KCNIP4: variants seen among roughly 807,000 people sequenced by gnomAD.
KCNIP4 encodes the protein potassium voltage-gated channel interacting protein 4.
In KCNIP4, 12 loss-of-function variants were observed where a neutral mutation model predicts 34.0. That is an observed-to-expected ratio of 0.35 (90% CI 0.23 to 0.57). KCNIP4 has a LOEUF of 0.57. Ranked by LOEUF, KCNIP4 falls within the 20% of genes least tolerant of loss-of-function variation. KCNIP4 has a pLI of 0.83. For missense variants in KCNIP4, 238 were observed against 311.7 expected (o/e 0.76, Z 1.78); for synonymous variants, 124 against 102.2 (o/e 1.21, Z -1.29).
chr4:21,496,262 G>A (rs1219527936), intron 1 of KCNIP4, among the ~76,000 whole-genome samples: 1 of 152,092 alleles, frequency 6.6e-6, no homozygotes, highest in East Asian at 1.9e-4. Flanking sequence ...GCTAGAGCTA[G>A]GGCTAATGTA....
intron 1 of KCNIP4, among the ~76,000 whole-genome samples, chr4:20,895,819 T>C (rs1038926658): frequency 1.3e-5 from 2 of 152,196 alleles, no homozygotes; most frequent in African/African-American, 4.8e-5. Context: ...TAGCCATGCC[T>C]GATCATTCCA....
At chr4:20,923,173 A>C (rs1729572741) in intron 1 of KCNIP4, among the ~76,000 whole-genome samples, 2 of 152,180 alleles carry the variant, frequency 1.3e-5, no homozygotes, top group Admixed American at 1.3e-4. Flanking sequence ...GTTTGCTAAA[A>C]GTTTGTCTTT....
rs186672626 is a variant in KCNIP4, at chr4:21,664,179, C to A, written c.61+284392G>T. The stretch of plus-strand genomic sequence containing the variant: ...GGCCAGGCTGGTCTTGAACTCCTTG[C>A]CTCAAGTGATCCACCCACCTCAGCC... On this transcript the variant is annotated intron_variant, in intron 1 of 8. Transcript: ENST00000382152. Among the ~76,000 whole-genome samples the A allele has an allele frequency of 1.8e-3, 278 of 152,148 alleles. 3 individuals are homozygous for A. Among genetic ancestry groups the A allele is most frequent in the African/African-American group, 6.4e-3 (265 of 41,532 alleles).
chr4:21,632,549 C>T (rs936141273), intron 1 of KCNIP4, among the ~76,000 whole-genome samples: 5 of 152,180 alleles, frequency 3.3e-5, no homozygotes, highest in African/African-American at 7.2e-5. Flanking sequence ...TAATAACCTC[C>T]TCTTTGCCTT....
At chr4:21,687,338 G>C (rs1750889067) in intron 1 of KCNIP4, among the ~76,000 whole-genome samples, 1 of 150,484 alleles carries the variant, frequency 6.6e-6, no homozygotes, top group Non-Finnish European at 1.5e-5. Flanking sequence ...AAAAAGAAGT[G>C]ATTAGGAAGT....
chr4:20,933,821 G>T (rs139503031), intron 1 of KCNIP4, among the ~76,000 whole-genome samples: 1 of 151,816 alleles, frequency 6.6e-6, no homozygotes, highest in Admixed American at 6.6e-5. Context: ...GTGGCTACCC[G>T]TTCTGGTTTA....
chr4:21,556,930 A>AACAAAAAAAAAAAAAAAAC (rs1553903109), intron 1 of KCNIP4, among the ~76,000 whole-genome samples: 1 of 108,194 alleles, frequency 9.2e-6, no homozygotes, highest in South Asian at 3.2e-4. Flanking sequence ...CAGAAAAAAA[A>AACAAAAAAAAAAAAAAAAC]AAAAAAAAAA....
chr4:21,248,863 AC>A (rs113904704), intron 1 of KCNIP4, among the ~76,000 whole-genome samples: 1,861 of 152,282 alleles, frequency 0.012, 44 homozygotes, highest in African/African-American at 0.042. Flanking sequence ...TCAAAGTCAA[AC>A]ACCTATTAAA....
intron 1 of KCNIP4, among the ~76,000 whole-genome samples, chr4:21,229,403 T>C (rs1484331175): frequency 1.3e-5 from 2 of 152,204 alleles, no homozygotes; most frequent in East Asian, 1.9e-4. Flanking sequence ...TTATCATCCA[T>C]GTAGGCTCTC....
At chr4:21,820,352 T>C (rs1156460971) in intron 1 of KCNIP4, among the ~76,000 whole-genome samples, 1 of 145,198 alleles carries the variant, frequency 6.9e-6, no homozygotes, top group African/African-American at 2.6e-5. Context: ...CACACACACA[T>C]ACAGGCATGA....
At chr4:21,745,314 C>T (rs1406140450) in intron 1 of KCNIP4, among the ~76,000 whole-genome samples, 8 of 152,252 alleles carry the variant, frequency 5.3e-5, no homozygotes, top group South Asian at 2.1e-4. Flanking sequence ...ATTTCAAAGA[C>T]GTTTAGCAGA....
At chr4:21,900,795 G>C (rs1361495489) in intron 1 of KCNIP4, among the ~76,000 whole-genome samples, 1 of 151,988 alleles carries the variant, frequency 6.6e-6, no homozygotes, top group Non-Finnish European at 1.5e-5. Flanking sequence ...GTTCTCCATT[G>C]CAGTAAGTAC....
chr4:20,844,494 G>C (rs1177676744), intron 3 of KCNIP4, among the ~76,000 whole-genome samples: 2 of 152,170 alleles, frequency 1.3e-5, no homozygotes, highest in African/African-American at 4.8e-5. Flanking sequence ...AGAGACAGAA[G>C]CCGGCAGGAA....
At chr4:21,690,133 T>TTA (rs113193178) in intron 1 of KCNIP4, among the ~76,000 whole-genome samples, 8,365 of 145,568 alleles carry the variant, frequency 0.057, 602 homozygotes, top group African/African-American at 0.17. Flanking sequence ...ATATTTTATA[T>TTA]TATATATATA....
intron 1 of KCNIP4, among the ~76,000 whole-genome samples, chr4:21,129,059 A>G (rs1037650178): frequency 3.3e-5 from 5 of 152,200 alleles, no homozygotes; most frequent in African/African-American, 1.2e-4. Flanking sequence ...GGGCAGGGTC[A>G]GGTGGAGATA....
intron 1 of KCNIP4, among the ~76,000 whole-genome samples, chr4:21,799,051 C>T (rs116609789): frequency 0.012 from 1,843 of 151,808 alleles, 36 homozygotes; most frequent in African/African-American, 0.043. Context: ...AAAAAAAAAC[C>T]TCTATAATTT....
At chr4:21,338,196 C>T (rs190601214) in intron 1 of KCNIP4, among the ~76,000 whole-genome samples, 70 of 144,016 alleles carry the variant, frequency 4.9e-4, no homozygotes, top group African/African-American at 1.7e-3. Context: ...ACCCGGGAGG[C>T]GCAGTTTGCA....
At chr4:21,549,499 G>A (rs1738388287) in intron 1 of KCNIP4, among the ~76,000 whole-genome samples, 1 of 151,868 alleles carries the variant, frequency 6.6e-6, no homozygotes, top group Admixed American at 6.6e-5. Flanking sequence ...CATATGACAT[G>A]CCTGCTCCCC....
At chr4:21,054,665 C>T (rs1211943068) in intron 1 of KCNIP4, among the ~76,000 whole-genome samples, 1 of 144,636 alleles carries the variant, frequency 6.9e-6, no homozygotes, top group Non-Finnish European at 1.5e-5. Flanking sequence ...TCAACAACTG[C>T]TTCTAGGGGT....
Sources: allele counts gnomAD v4.1 joint callset (sites outside exome capture counted in the v4.1 genomes callset), GRCh38; gene constraint gnomAD v4.1.1; transcripts MANE v1.5; gene names NCBI Gene and HGNC (gene_info 2026-07-23, HGNC 2026-07-21).